Variants in FRMD4A observed in about 807,000 individuals in gnomAD.
FRMD4A encodes FERM domain-containing protein 4A.
A neutral mutation model predicts 129.1 loss-of-function variants in FRMD4A; 29 were observed. That is an observed-to-expected ratio of 0.22 (90% CI 0.17 to 0.31). The LOEUF (loss-of-function observed/expected upper bound fraction) is 0.31, where lower values mean the gene tolerates loss of function less well. Among genes scored for constraint, FRMD4A ranks in the 10% least tolerant of loss-of-function variants. The pLI, the probability that FRMD4A is intolerant of heterozygous loss-of-function variation, is 1.00. For missense variants in FRMD4A, 1,272 were observed against 1,375.8 expected (o/e 0.92, Z 1.19); for synonymous variants, 634 against 571.6 (o/e 1.11, Z -1.56).
intron 2 of FRMD4A, among the ~76,000 whole-genome samples, chr10:14,262,679 T>C (rs1310981050): frequency 2.0e-5 from 3 of 152,146 alleles, no homozygotes; most frequent in African/African-American, 7.2e-5. Flanking sequence ...TGAAATGAGC[T>C]TCTTTTCTTC....
At chr10:14,184,894 T>A (rs1450811355) in intron 2 of FRMD4A, among the ~76,000 whole-genome samples, 2 of 152,214 alleles carry the variant, frequency 1.3e-5, no homozygotes. Context: ...GCGTGGGTAC[T>A]GCGATGGAGC....
chr10:14,330,675 A>G lies in FRMD4A; in HGVS notation c.-160T>C. The G allele has an allele frequency of 2.5e-6, 1 of 398,516 alleles. No individual in the cohort carries two copies. The highest frequency in any genetic ancestry group is 4.4e-6 in the Non-Finnish European group (1 of 226,224). 24.7% of individuals were successfully genotyped at this position (398,516 alleles called of 1,614,324 possible). A position where few individuals can be genotyped will look rare whatever the true frequency, so the allele number is the denominator to read the frequency against. On this transcript the variant is annotated 5_prime_UTR_variant, in exon 1 of 25. Coordinates refer to ENST00000357447, the MANE Select transcript of FRMD4A (RefSeq NM_018027.5). ...GCAAAATCAGATATCTGGGAGTGAG[A>G]CAGCCGAGTCTGACCATGAGGCACC...
chr10:13,778,596 A>G (rs890765766), intron 6 of FRMD4A, among the ~76,000 whole-genome samples: 2 of 115,896 alleles, frequency 1.7e-5, no homozygotes, highest in African/African-American at 3.0e-5. Flanking sequence ...CTACCATTCC[A>G]ACGTGTGTGT....
rs147161442 is a variant in FRMD4A at position 13,741,692 on chromosome 10, G to T, written c.549-1115C>A. 1.2e-4 allele frequency among the ~76,000 whole-genome samples: 18 copies of T among 152,256 alleles called. No individual in the cohort carries two copies. In the East Asian group the frequency reaches 3.1e-3, roughly 26 times the overall value. On this transcript the variant is annotated intron_variant, in intron 9 of 24. Transcript: ENST00000357447. ...CCCACAGCCTACCTGCTCTGAATGC[G>T]TAGTCAGGAATGGAAGGCTTTCCAG...
intron 15 of FRMD4A, chr10:13,684,843 A>G: frequency 2.0e-6 from 2 of 984,324 alleles, no homozygotes; most frequent in Non-Finnish European, 2.4e-6. Context: ...AAGAAGGGAA[A>G]TGACAATCCG....
chr10:13,905,663 A>G (rs2094874444), intron 2 of FRMD4A, among the ~76,000 whole-genome samples: 1 of 152,212 alleles, frequency 6.6e-6, no homozygotes, highest in Non-Finnish European at 1.5e-5. Flanking sequence ...GCAACACAAC[A>G]CTGTAGGTCT....
At chr10:14,266,189 A>G (rs113220477) in intron 2 of FRMD4A, among the ~76,000 whole-genome samples, 2,704 of 152,042 alleles carry the variant, frequency 0.018, 40 homozygotes, top group Non-Finnish European at 0.026. Context: ...TTTCCCGTGC[A>G]TTGTAGGATG....
chr10:14,109,496 T>C (rs1205440518), intron 2 of FRMD4A, among the ~76,000 whole-genome samples: 2 of 152,142 alleles, frequency 1.3e-5, no homozygotes, highest in East Asian at 1.9e-4. Flanking sequence ...AAATAGAGTG[T>C]CCCAATTGCT....
At chr10:13,727,333 G>T (rs913984501) in intron 12 of FRMD4A, among the ~76,000 whole-genome samples, 2 of 152,290 alleles carry the variant, frequency 1.3e-5, no homozygotes, top group Non-Finnish European at 2.9e-5. Flanking sequence ...ACTGAAGGAC[G>T]TACGCCCTCT....
intron 2 of FRMD4A, among the ~76,000 whole-genome samples, chr10:13,863,462 C>T (rs549991485): frequency 5.3e-5 from 8 of 151,974 alleles, no homozygotes; most frequent in East Asian, 1.9e-4. Context: ...TGGTGGTGCA[C>T]GCCTGTAGTC....
intron 2 of FRMD4A, among the ~76,000 whole-genome samples, chr10:14,022,231 G>A (rs190062657): frequency 1.6e-3 from 248 of 152,284 alleles, no homozygotes; most frequent in African/African-American, 5.7e-3. Flanking sequence ...ACGTGTCTAA[G>A]CTTCGCAGAG....
chr10:14,106,203 C>T (rs1837578987), intron 2 of FRMD4A, among the ~76,000 whole-genome samples: 1 of 152,160 alleles, frequency 6.6e-6, no homozygotes, highest in South Asian at 2.1e-4. Context: ...TGGAGTCAAA[C>T]AAATTTGATA....
intron 2 of FRMD4A, among the ~76,000 whole-genome samples, chr10:14,104,404 A>G (rs1837476068): frequency 6.6e-6 from 1 of 152,240 alleles, no homozygotes; most frequent in African/African-American, 2.4e-5. Flanking sequence ...GATTTACACC[A>G]GACCTCAGTC....
At chr10:13,788,827 C>T (rs572375013) in intron 5 of FRMD4A, among the ~76,000 whole-genome samples, 7 of 77,014 alleles carry the variant, frequency 9.1e-5, no homozygotes, top group Admixed American at 4.7e-4. Context: ...CGGGGAGTCC[C>T]GTCCCCTTCT....
In FRMD4A at chr10:13,901,796, G is replaced by A. The variant is rs1188543900; in HGVS notation, c.46-42884C>T. 3.3e-5 allele frequency among the ~76,000 whole-genome samples: 5 copies of A among 152,088 alleles called. No homozygotes were observed. In the East Asian group the frequency reaches 9.6e-4, roughly 29 times the overall value. ...GAGCCCCGGGACCTCCCAGCCCCAGGGAGAACAGGCGAGTGAGCTTCTCAG... is the reference window on the plus strand; with the variant it reads ...GAGCCCCGGGACCTCCCAGCCCCAGAGAGAACAGGCGAGTGAGCTTCTCAG... On this transcript the variant is annotated intron_variant, in intron 2 of 24. Transcript: ENST00000357447.
intron 2 of FRMD4A, among the ~76,000 whole-genome samples, chr10:14,133,948 G>C (rs971834388): frequency 3.9e-5 from 6 of 152,192 alleles, no homozygotes; most frequent in Admixed American, 3.9e-4. Flanking sequence ...GGGGAAATAA[G>C]GTGAAGTTAG....
intron 2 of FRMD4A, among the ~76,000 whole-genome samples, chr10:14,006,280 A>C (rs1440663759): frequency 6.6e-6 from 1 of 152,150 alleles, no homozygotes; most frequent in African/African-American, 2.4e-5. Context: ...GCCCCAAACC[A>C]TTCAGACCAT....
At position 13,678,874 on chromosome 10, in the gene FRMD4A, A is replaced by G. The variant is rs574576750; in HGVS notation, c.1118-3830T>C. On this transcript the variant is annotated intron_variant, in intron 15 of 24. Coordinates refer to ENST00000357447, the MANE Select transcript of FRMD4A (RefSeq NM_018027.5). ...TCAGATCAGGATAATTAGCATATCC[A>G]TTATCCAAACATTGATCATTTCTTT... Among the ~76,000 whole-genome samples the G allele has an allele frequency of 9.8e-4, 149 of 152,350 alleles. 1 individual carries two copies. Among genetic ancestry groups the G allele is most frequent in the African/African-American group, 3.5e-3 (144 of 41,578 alleles).
Position 13,646,221 on chromosome 10 carries a change from T to A in FRMD4A, c.*817A>T, listed in dbSNP as rs111646806. 1 of 152,666 alleles carries A rather than the reference T, an allele frequency of 6.6e-6. No homozygotes were observed. Among genetic ancestry groups the A allele is most frequent in the Non-Finnish European group, 1.5e-5 (1 of 68,042 alleles). 9.5% of individuals were successfully genotyped at this position (152,666 alleles called of 1,614,324 possible). On this transcript the variant is annotated 3_prime_UTR_variant, in exon 25 of 25. Coordinates refer to ENST00000357447, the MANE Select transcript of FRMD4A (RefSeq NM_018027.5). ...GCTAGAGAGAGGACACCAGTTTACA[T>A]AGGGTTGACTTTCACTTGTGTGTAG...
Sources: gnomAD v4.1 joint callset for allele counts (sites outside exome capture counted in the v4.1 genomes callset) on GRCh38, gnomAD v4.1.1 for gene constraint, MANE v1.5 for transcripts, NCBI Gene and HGNC (gene_info 2026-07-23, HGNC 2026-07-21) for gene names.